The following CCDC88C variants were observed in gnomAD, a reference collection of about 807,000 sequenced individuals.
CCDC88C encodes protein Daple.
A neutral mutation model predicts 198.8 loss-of-function variants in CCDC88C; 131 were observed. The ratio of observed to expected loss-of-function variants is 0.66; its 90% CI spans 0.57 to 0.76. CCDC88C has a LOEUF of 0.76. Ranked by LOEUF, CCDC88C falls within the 30% of genes least tolerant of loss-of-function variation. The probability of loss-of-function intolerance (pLI) is 0.00; values close to 1 mark genes in which losing one functional copy is unlikely to be tolerated. For synonymous variants in CCDC88C, 1,166 were observed against 1,114.7 expected (o/e 1.05, Z -0.92); for missense variants, 2,553 against 2,631.6 (o/e 0.97, Z 0.65).
chr14:91,310,705 C>T (rs1891781415), intron 15 of CCDC88C, among the ~76,000 whole-genome samples: 1 of 152,170 alleles, frequency 6.6e-6, no homozygotes, highest in Non-Finnish European at 1.5e-5. Context: ...CCACTGCACC[C>T]GGCCTTGGTC....
At chr14:91,379,823 A>G (rs893196419) in intron 3 of CCDC88C, 12 of 702,922 alleles carry the variant, frequency 1.7e-5, no homozygotes, top group Non-Finnish European at 2.9e-5. Flanking sequence ...TTTGAAGCCA[A>G]TGCGAAAACT....
intron 3 of CCDC88C, among the ~76,000 whole-genome samples, chr14:91,369,029 G>A (rs909440652): frequency 3.3e-5 from 5 of 152,214 alleles, no homozygotes; most frequent in African/African-American, 1.2e-4. Flanking sequence ...ATTTCCAGTG[G>A]GAGGGAACAG....
Position 91,288,651 on chromosome 14 carries a change from C to G in CCDC88C, c.4441+454G>C, listed in dbSNP as rs1311634536. On this transcript the variant is annotated intron_variant, in intron 25 of 29. Transcript: ENST00000389857. This position sits in a 1 kb window ranked among gnomAD's most constrained non-coding sequence, Gnocchi z 4.2. ...GGGCGTGGCAGCTCACGCCTGTAAT[C>G]CAACAGTTTGGGAGGCTGAGGCGGG... 2 of 152,128 alleles carry G rather than the reference C, an allele frequency of 1.3e-5. No individual in the cohort carries two copies. Among genetic ancestry groups the G allele is most frequent in the African/African-American group, 4.9e-5 (2 of 41,212 alleles). The allele number at this position is 152,128 out of a possible 1,614,324, so 9.4% of individuals were successfully genotyped here.
chr14:91,413,033 C>T (rs1886867932), intron 2 of CCDC88C, among the ~76,000 whole-genome samples: 1 of 152,146 alleles, frequency 6.6e-6, no homozygotes, highest in Admixed American at 6.5e-5. Context: ...GAATAATTAA[C>T]ACAGTATCCT....
At chr14:91,275,818 C>CT (rs34204634) in intron 29 of CCDC88C, among the ~76,000 whole-genome samples, 37,130 of 82,204 alleles carry the variant, frequency 0.45, 10,875 homozygotes, top group African/African-American at 0.64. Flanking sequence ...ACCAGTGGTT[C>CT]TTTTTTTTTT....
chr14:91,316,237 C>T (rs1892089875), intron 13 of CCDC88C, among the ~76,000 whole-genome samples: 6 of 152,188 alleles, frequency 3.9e-5, no homozygotes, highest in Admixed American at 2.0e-4. Context: ...CTTCCACCAT[C>T]TCCCTCACAG....
intron 16 of CCDC88C, among the ~76,000 whole-genome samples, chr14:91,309,134 C>T (rs574655358): frequency 8.5e-5 from 13 of 152,184 alleles, no homozygotes; most frequent in African/African-American, 2.4e-4. Context: ...GAGGCTGAGG[C>T]GTAAGAATCA....
At chr14:91,297,279 C>T (rs535060809) in intron 22 of CCDC88C, 26 bp downstream of exon 22, 61 of 1,604,722 alleles carry the variant, frequency 3.8e-5, no homozygotes, top group African/African-American at 2.0e-4. Context: ...CCCTGTCTCC[C>T]GAGGCTCCCC....
intron 4 of CCDC88C, among the ~76,000 whole-genome samples, chr14:91,354,640 T>C (rs947704657): frequency 5.3e-5 from 8 of 152,156 alleles, no homozygotes; most frequent in African/African-American, 1.9e-4. Flanking sequence ...GGGTAACACC[T>C]GTCAGGGGCC....
intron 4 of CCDC88C, among the ~76,000 whole-genome samples, chr14:91,359,313 A>AT (rs1281008090): frequency 6.6e-6 from 1 of 151,810 alleles, no homozygotes; most frequent in African/African-American, 2.4e-5. Flanking sequence ...AATTCTTTGT[A>AT]TTTTTAGTAG....
At chr14:91,363,711 A>T (rs1894408418) in intron 3 of CCDC88C, among the ~76,000 whole-genome samples, 1 of 152,258 alleles carries the variant, frequency 6.6e-6, no homozygotes, top group Non-Finnish European at 1.5e-5. Flanking sequence ...TAAAATAAAA[A>T]ATTCATTTCC....
chr14:91,396,150 C>T (rs1395813922), intron 3 of CCDC88C, among the ~76,000 whole-genome samples: 1 of 152,192 alleles, frequency 6.6e-6, no homozygotes, highest in Admixed American at 6.5e-5. Flanking sequence ...CAAAGAAGAG[C>T]TGAATAACAA....
In CCDC88C at chr14:91,407,206, C is replaced by T. The variant is rs1886542541; in HGVS notation, c.270+1453G>A. On this transcript the variant is annotated intron_variant, in intron 3 of 29. Transcript: ENST00000389857. ...TTGAAACAGAAGCAACCACAGCCCT[C>T]AACAGGAACTGGGCCCAGCACAAAG... 3.3e-5 allele frequency among the ~76,000 whole-genome samples: 5 copies of T among 152,306 alleles called. No individual in the cohort carries two copies. The South Asian group carries it at 1.0e-3, about 32-fold the overall frequency.
chr14:91,388,769 A>G (rs1885304029), intron 3 of CCDC88C, among the ~76,000 whole-genome samples: 1 of 152,214 alleles, frequency 6.6e-6, no homozygotes, highest in Non-Finnish European at 1.5e-5. Flanking sequence ...GCACACTTGC[A>G]GCGAGGGATG....
intron 3 of CCDC88C, among the ~76,000 whole-genome samples, chr14:91,385,032 T>C (rs1255957203): frequency 6.6e-6 from 1 of 152,220 alleles, no homozygotes; most frequent in African/African-American, 2.4e-5. Flanking sequence ...CCTGGAAGCC[T>C]TTTCTAATGA....
At chr14:91,384,625 T>C (rs1232065272) in intron 3 of CCDC88C, 2 of 396,282 alleles carry the variant, frequency 5.0e-6, no homozygotes, top group African/African-American at 4.2e-5. Context: ...CACTACGCAC[T>C]GGCACCGGGA....
In CCDC88C at chr14:91,294,436, A is replaced by G. The variant is rs1890908812; in HGVS notation, c.3967-118T>C. 7.5e-5 allele frequency: 91 copies of G among 1,210,138 alleles called. No individual in the cohort carries two copies. The South Asian group carries it at 1.1e-3, about 15-fold the overall frequency. The allele number at this position is 1,210,138 out of a possible 1,614,324, so 75.0% of individuals were successfully genotyped here. A position where few individuals can be genotyped will look rare whatever the true frequency, so the allele number is the denominator to read the frequency against. ...AAAGATGTTCAACGCAGCATAATCTACGCCAGTGGAAACTTGGAAAGGGCC... is the reference window on the plus strand; with the variant it reads ...AAAGATGTTCAACGCAGCATAATCTGCGCCAGTGGAAACTTGGAAAGGGCC... On this transcript the variant is annotated intron_variant, in intron 22 of 29. Transcript: ENST00000389857.
rs1158695162 is a variant in CCDC88C at position 91,369,089 on chromosome 14, C to T, written c.271-9378G>A. Among the ~76,000 whole-genome samples the T allele has an allele frequency of 1.2e-4, 18 of 152,314 alleles. No individual in the cohort carries two copies. The East Asian group carries it at 3.3e-3, about 28-fold the overall frequency. On this transcript the variant is annotated intron_variant, in intron 3 of 29. Transcript: ENST00000389857. ...TTGCCAGCAGGGCCTGGAGCAAGAC[C>T]GGGGTTGGAACCTCAGGCCTGGAGA...
At chr14:91,318,100 G>A (rs576238660) in intron 13 of CCDC88C, among the ~76,000 whole-genome samples, 29 of 152,298 alleles carry the variant, frequency 1.9e-4, no homozygotes, top group African/African-American at 5.3e-4. Flanking sequence ...GACATTTCCC[G>A]TGCTAGGCCC....
Sources: allele counts gnomAD v4.1 joint callset (sites outside exome capture counted in the v4.1 genomes callset), GRCh38; gene constraint gnomAD v4.1.1; non-coding constraint Gnocchi (gnomAD v3.1); transcripts MANE v1.5; gene names NCBI Gene and HGNC (gene_info 2026-07-23, HGNC 2026-07-21).